The following SECISBP2 variants were observed in gnomAD, a reference collection of about 807,000 sequenced individuals.
SECISBP2 encodes the protein SECIS binding protein 2.
A neutral mutation model predicts 98.2 loss-of-function variants in SECISBP2; 96 were observed. The observed-to-expected ratio is 0.98, with a 90% CI of 0.83 to 1.16. The LOEUF (loss-of-function observed/expected upper bound fraction) is 1.16. Ranked by LOEUF, SECISBP2 falls within the 50% of genes most tolerant of loss-of-function variation. SECISBP2 has a pLI of 0.00. For missense variants in SECISBP2, 1,046 were observed against 1,022.9 expected (o/e 1.02, Z -0.31); for synonymous variants, 407 against 370.2 (o/e 1.10, Z -1.14).
downstream of SECISBP2, among the ~76,000 whole-genome samples, chr9:89,363,189 C>G (rs907960845): frequency 1.3e-5 from 2 of 152,208 alleles, no homozygotes; most frequent in African/African-American, 4.8e-5. Context: ...CCCAGTCTCG[C>G]CTCCCTTCAG....
chr9:89,319,901 G>A, intron 2 of SECISBP2, 104 bp downstream of exon 2: 1 of 1,205,182 alleles, frequency 8.3e-7, no homozygotes, highest in Non-Finnish European at 1.2e-6. Context: ...TTCTGCAGAT[G>A]ATGAGAGAAT....
intron 1 of SECISBP2, 95 bp from the exon 2 acceptor site, chr9:89,319,557 C>G: frequency 7.3e-7 from 1 of 1,378,000 alleles, no homozygotes; most frequent in Non-Finnish European, 1.0e-6. Context: ...GGGAACATTT[C>G]TGGGGCTATT....
At chr9:89,334,204 GC>G in intron 6 of SECISBP2, 1 of 1,200,254 alleles carries the variant, frequency 8.3e-7, no homozygotes. Context: ...CTGTGTGCTT[GC>G]CACGTGGACA....
the SECISBP2 span, chr9:89,364,858 C>G: frequency 6.7e-6 from 1 of 148,528 alleles, no homozygotes. Context: ...GGCAAGAAGT[C>G]TGCGCGGCCA....
At chr9:89,359,852 TC>T (rs2132126793), downstream of SECISBP2, among the ~76,000 whole-genome samples, 1 of 152,316 alleles carries the variant, frequency 6.6e-6, no homozygotes, top group East Asian at 1.9e-4. Context: ...CGGAGCCAGA[TC>T]CTGGCTCAAT....
chr9:89,330,191 T>C (rs1366631944), intron 5 of SECISBP2: 2 of 152,250 alleles, frequency 1.3e-5, no homozygotes, highest in Admixed American at 1.3e-4. Context: ...AGGCTTTTAT[T>C]ACATCTTTGT....
At chr9:89,342,601 A>G (rs1829818748) in intron 10 of SECISBP2, among the ~76,000 whole-genome samples, 1 of 152,264 alleles carries the variant, frequency 6.6e-6, no homozygotes, top group Non-Finnish European at 1.5e-5. Context: ...AAAAGGAATG[A>G]ATTCTTATAC....
At chr9:89,355,919 A>G (rs1448037210) in intron 14 of SECISBP2, among the ~76,000 whole-genome samples, 1 of 152,232 alleles carries the variant, frequency 6.6e-6, no homozygotes, top group Admixed American at 6.5e-5. Flanking sequence ...CCTTGTTTAC[A>G]CTATGGTATC....
At chr9:89,353,284 GC>G (rs1484290572) in intron 14 of SECISBP2, among the ~76,000 whole-genome samples, 1 of 152,142 alleles carries the variant, frequency 6.6e-6, no homozygotes, top group African/African-American at 2.4e-5. Context: ...ATGTGGTTGG[GC>G]TGCTTCCATG....
At chr9:89,354,762 C>A (rs1210932429) in intron 14 of SECISBP2, 1 of 985,288 alleles carries the variant, frequency 1.0e-6, no homozygotes, top group Admixed American at 6.1e-5. Flanking sequence ...GTTGTTTCTG[C>A]ACAGTGCTCA....
chr9:89,358,155 C>T lies in SECISBP2; in HGVS notation c.2425C>T (p.Pro809Ser), dbSNP rs771333446. ...QGPSCPAEDG[P>S]PALKEKEEPH... ...CCCCAGCTGCCCTGCAGAAGATGGC[C>T]CCCCAGCCCTGAAAGAAAAAGAAGA... is the stretch of plus-strand genomic sequence containing the variant. The change falls in exon 16 of 17, where the codon CCC (proline) becomes TCC (serine). Residue 809 changes from proline (P) to serine (S), a missense_variant. By Grantham distance (74) the Pro-to-Ser change is moderately conservative. Coordinates refer to ENST00000375807, the MANE Select transcript of SECISBP2 (RefSeq NM_024077.5). 3.7e-6 allele frequency: 6 copies of T among 1,613,558 alleles called. No individual in the cohort carries two copies. The South Asian group carries it at 6.6e-5, about 18-fold the overall frequency.
At chr9:89,325,219 T>G in intron 2 of SECISBP2, 1 of 578,420 alleles carries the variant, frequency 1.7e-6, no homozygotes. Flanking sequence ...TTCCAGCTCA[T>G]TAGTGAAAAA....
chr9:89,336,690 G>A (rs1024909511), intron 7 of SECISBP2, among the ~76,000 whole-genome samples: 1 of 151,438 alleles, frequency 6.6e-6, no homozygotes, highest in Non-Finnish European at 1.5e-5. Flanking sequence ...CTTGACTCTC[G>A]GTGAAGCCTC....
chr9:89,324,470 G>GTTA (rs1564320679), intron 2 of SECISBP2: 1 of 152,238 alleles, frequency 6.6e-6, no homozygotes, highest in African/African-American at 2.4e-5. Flanking sequence ...AGCAGTAAAC[G>GTTA]TTATTATATT....
rs376857713 is a variant in SECISBP2 at position 89,351,847 on chromosome 9, G to C, written c.2113+995G>C. On this transcript the variant is annotated intron_variant, in intron 14 of 16. Transcript: ENST00000375807. Reference sequence around the variant, plus strand: ...AGAGGCCTTTCCAGGTCATTGGAGAGGACAGGCCACATGCTTCCCTGGCTG... The same window carrying C: ...AGAGGCCTTTCCAGGTCATTGGAGACGACAGGCCACATGCTTCCCTGGCTG... Among the ~76,000 whole-genome samples, 392 of 152,304 alleles carry C rather than the reference G, an allele frequency of 2.6e-3. 3 individuals are homozygous for C. Among genetic ancestry groups the C allele is most frequent in the African/African-American group, 8.7e-3 (360 of 41,560 alleles).
chr9:89,322,119 A>G (rs1006338325), intron 2 of SECISBP2: 1 of 152,214 alleles, frequency 6.6e-6, no homozygotes. Context: ...TCATTTATTC[A>G]TTTGGAATTA....
intron 8 of SECISBP2, among the ~76,000 whole-genome samples, chr9:89,339,439 A>G (rs1410477630): frequency 3.3e-5 from 5 of 152,240 alleles, no homozygotes; most frequent in Non-Finnish European, 7.3e-5. Flanking sequence ...TTTTTAAGTG[A>G]TTAAAAAATG....
chr9:89,363,466 C>A, downstream of SECISBP2: 1 of 1,614,028 alleles, frequency 6.2e-7, no homozygotes, highest in Non-Finnish European at 8.5e-7. Flanking sequence ...TCCGGTCGTG[C>A]TCCCCAGCCA....
chr9:89,350,893 A>C (rs1831183371), intron 14 of SECISBP2, 41 bp downstream of exon 14: 1 of 1,533,220 alleles, frequency 6.5e-7, no homozygotes. Flanking sequence ...GGGCCCCTGC[A>C]TGAGTGCCTA....
Sources: gnomAD v4.1 joint callset for allele counts (sites outside exome capture counted in the v4.1 genomes callset) on GRCh38, gnomAD v4.1.1 for gene constraint, MANE v1.5 for transcripts, NCBI Gene and HGNC (gene_info 2026-07-23, HGNC 2026-07-21) for gene names.